NPAS3: variants seen among roughly 807,000 people sequenced by gnomAD.
NPAS3 encodes the protein neuronal PAS domain-containing protein 3.
NPAS3 carries 14 observed loss-of-function variants against 73.1 expected under a neutral mutation model. The ratio of observed to expected loss-of-function variants is 0.19; its 90% CI spans 0.13 to 0.30. The LOEUF (loss-of-function observed/expected upper bound fraction) is 0.30. NPAS3 is among the 10% of genes least tolerant of loss of function. The pLI, the probability that NPAS3 is intolerant of heterozygous loss-of-function variation, is 1.00. For synonymous variants in NPAS3, 620 were observed against 541.5 expected, an observed-to-expected ratio of 1.14 and a Z score of -2.01; for missense variants, 1,096 against 1,250.0, an observed-to-expected ratio of 0.88 and a Z score of 1.86.
intron 5 of NPAS3, among the ~76,000 whole-genome samples, chr14:33,667,055 AT>A (rs1313315616): frequency 6.6e-6 from 1 of 152,208 alleles, no homozygotes; most frequent in African/African-American, 2.4e-5. Context: ...ATGATTAGCT[AT>A]TTTTATTCAA....
At chr14:33,302,892 T>C (rs915279559) in intron 3 of NPAS3, among the ~76,000 whole-genome samples, 5 of 151,990 alleles carry the variant, frequency 3.3e-5, no homozygotes, top group African/African-American at 1.2e-4. Flanking sequence ...TGCTAGGAAG[T>C]GCCTATAAGC....
At chr14:33,112,200 G>A (rs1477862692) in intron 2 of NPAS3, among the ~76,000 whole-genome samples, 1 of 152,150 alleles carries the variant, frequency 6.6e-6, no homozygotes, top group Non-Finnish European at 1.5e-5. Context: ...TGGGATGGCT[G>A]GGTCAAATGG....
intron 1 of NPAS3, among the ~76,000 whole-genome samples, chr14:32,962,201 G>T (rs927317117): frequency 5.9e-5 from 9 of 152,156 alleles, no homozygotes; most frequent in African/African-American, 2.2e-4. Context: ...AAGAATTTCT[G>T]CCTGTAGAGG....
At chr14:33,573,030 A>G (rs1194042220) in intron 5 of NPAS3, among the ~76,000 whole-genome samples, 1 of 151,722 alleles carries the variant, frequency 6.6e-6, no homozygotes, top group Non-Finnish European at 1.5e-5. Flanking sequence ...TCAAAAAAAA[A>G]AAAAAAAAAA....
chr14:33,369,834 G>A (rs1045283816), intron 4 of NPAS3, among the ~76,000 whole-genome samples: 7 of 152,218 alleles, frequency 4.6e-5, no homozygotes, highest in African/African-American at 1.7e-4. Context: ...TAACTAGCAG[G>A]GAAACTTTTG....
intron 5 of NPAS3, among the ~76,000 whole-genome samples, chr14:33,618,998 T>C (rs1368728864): frequency 1.3e-5 from 2 of 152,216 alleles, no homozygotes; most frequent in African/African-American, 4.8e-5. Context: ...TTCTTGTTCT[T>C]TGAAAATTAA....
At chr14:33,716,344 ATCTTGTTTT>A (rs958946185) in intron 6 of NPAS3, among the ~76,000 whole-genome samples, 1 of 151,768 alleles carries the variant, frequency 6.6e-6, no homozygotes, top group Non-Finnish European at 1.5e-5. Flanking sequence ...ATTCTTCCCT[ATCTTGTTTT>A]TCTTGTTTTT....
intron 9 of NPAS3, among the ~76,000 whole-genome samples, chr14:33,784,713 ATTG>A (rs1354222495): frequency 2.8e-5 from 3 of 107,900 alleles, no homozygotes; most frequent in Admixed American, 1.7e-4. Context: ...TTTATTTTTT[ATTG>A]TTATTTTTAT....
At chr14:33,041,570 A>T (rs1006282096) in intron 1 of NPAS3, among the ~76,000 whole-genome samples, 2 of 152,168 alleles carry the variant, frequency 1.3e-5, no homozygotes, top group African/African-American at 4.8e-5. Flanking sequence ...GTGACCATAT[A>T]TTAGCCAAAA....
chr14:33,127,464 C>T (rs1402006413), intron 2 of NPAS3, among the ~76,000 whole-genome samples: 1 of 152,026 alleles, frequency 6.6e-6, no homozygotes, highest in East Asian at 1.9e-4. Context: ...GGCATAAAAC[C>T]AACTTGGCCA....
At chr14:33,253,597 T>G (rs243293) in intron 3 of NPAS3, among the ~76,000 whole-genome samples, 146,517 of 151,876 alleles carry the variant, frequency 0.96, 70,708 homozygotes, top group South Asian at 0.98. Flanking sequence ...TTCTCTCTTG[T>G]GCTCAAATTA....
chr14:33,700,797 A>T (rs951632728), intron 6 of NPAS3, among the ~76,000 whole-genome samples: 1 of 152,202 alleles, frequency 6.6e-6, no homozygotes, highest in African/African-American at 2.4e-5. Context: ...GGTTGGTCTG[A>T]CCAATCCACG....
chr14:33,068,364 A>G (rs2030484917), intron 2 of NPAS3, among the ~76,000 whole-genome samples: 3 of 152,184 alleles, frequency 2.0e-5, no homozygotes, highest in Non-Finnish European at 4.4e-5. Flanking sequence ...GGCACAACAC[A>G]TGCACTAAGT....
At chr14:33,495,488 T>A (rs2052132329) in intron 4 of NPAS3, among the ~76,000 whole-genome samples, 1 of 152,120 alleles carries the variant, frequency 6.6e-6, no homozygotes, top group South Asian at 2.1e-4. Flanking sequence ...GTCTACTAGA[T>A]CCTCTTGGTC....
At chr14:33,196,032 G>A (rs1223914169) in intron 2 of NPAS3, among the ~76,000 whole-genome samples, 1 of 152,144 alleles carries the variant, frequency 6.6e-6, no homozygotes, top group Non-Finnish European at 1.5e-5. Context: ...TTGTTTTAAG[G>A]TGAAGAAACA....
chr14:33,409,179 G>T (rs2047802463), intron 4 of NPAS3, among the ~76,000 whole-genome samples: 1 of 152,168 alleles, frequency 6.6e-6, no homozygotes, highest in Non-Finnish European at 1.5e-5. Context: ...ATAGCAACTT[G>T]TAAGGTTGTG....
intron 9 of NPAS3, among the ~76,000 whole-genome samples, chr14:33,785,646 A>T (rs1706161883): frequency 6.6e-6 from 1 of 152,160 alleles, no homozygotes; most frequent in African/African-American, 2.4e-5. Flanking sequence ...AATGAGTGGC[A>T]TAGGATTTAA....
intron 5 of NPAS3, among the ~76,000 whole-genome samples, chr14:33,609,192 G>A (rs964892186): frequency 2.6e-5 from 4 of 152,006 alleles, no homozygotes; most frequent in African/African-American, 4.8e-5. Flanking sequence ...TTTTCTGTCC[G>A]AATTTTCCTC....
intron 3 of NPAS3, among the ~76,000 whole-genome samples, chr14:33,249,338 C>T (rs1481787018): frequency 1.0e-5 from 1 of 99,162 alleles, no homozygotes. Context: ...TTTTAATTCC[C>T]GTCCCCCCCA....
Sources: gnomAD v4.1 joint callset for allele counts (sites outside exome capture counted in the v4.1 genomes callset) on GRCh38, gnomAD v4.1.1 for gene constraint, MANE v1.5 for transcripts, NCBI Gene and HGNC (gene_info 2026-07-23, HGNC 2026-07-21) for gene names.